The following CCDC85A variants were observed in gnomAD, a reference collection of about 807,000 sequenced individuals.
CCDC85A encodes coiled-coil domain containing 85A.
Under a neutral mutation model 50.2 loss-of-function variants are expected in CCDC85A, and 38 were observed. The ratio of observed to expected loss-of-function variants is 0.76; its 90% CI spans 0.58 to 0.99. The LOEUF (loss-of-function observed/expected upper bound fraction) is 0.99. Ranked by LOEUF, CCDC85A falls within the 50% of genes least tolerant of loss-of-function variation. The pLI, the probability that CCDC85A is intolerant of heterozygous loss-of-function variation, is 0.00. For missense variants in CCDC85A, 820 were observed against 742.0 expected (o/e 1.11, Z -1.22); for synonymous variants, 366 against 301.4 (o/e 1.21, Z -2.22).
At chr2:56,198,087 T>C (rs1472429856) in intron 2 of CCDC85A, among the ~76,000 whole-genome samples, 1 of 152,234 alleles carries the variant, frequency 6.6e-6, no homozygotes, top group East Asian at 1.9e-4. Context: ...AGGTTATTAA[T>C]GAGTAAACGA....
intron 2 of CCDC85A, among the ~76,000 whole-genome samples, chr2:56,279,433 A>G (rs1381624806): frequency 6.6e-6 from 1 of 151,068 alleles, no homozygotes; most frequent in African/African-American, 2.4e-5. Context: ...CCCTCCCACC[A>G]CCTATTTCTC....
intron 2 of CCDC85A, among the ~76,000 whole-genome samples, chr2:56,334,864 A>C (rs1373081958): frequency 2.6e-5 from 4 of 152,184 alleles, no homozygotes; most frequent in African/African-American, 9.7e-5. Flanking sequence ...ACAAACTGAA[A>C]GGATTTCTGC....
chr2:56,384,181 CCT>C, intron 5 of CCDC85A, 83 bp from the exon 6 acceptor site: 2 of 1,175,376 alleles, frequency 1.7e-6, no homozygotes, highest in South Asian at 2.5e-5. Context: ...CATCTTCGCT[CCT>C]CTCTTAATTT....
intron 2 of CCDC85A, among the ~76,000 whole-genome samples, chr2:56,250,029 G>C (rs1346999411): frequency 6.6e-6 from 1 of 152,206 alleles, no homozygotes; most frequent in African/African-American, 2.4e-5. Flanking sequence ...CAGCCATGAA[G>C]GGCAGGCAGG....
intron 3 of CCDC85A, among the ~76,000 whole-genome samples, chr2:56,355,098 C>G (rs1675155386): frequency 6.6e-6 from 1 of 152,198 alleles, no homozygotes; most frequent in African/African-American, 2.4e-5. Flanking sequence ...ACACTTCACC[C>G]TTCCTGAGCC....
intron 2 of CCDC85A, among the ~76,000 whole-genome samples, chr2:56,308,302 G>T (rs1245590125): frequency 6.6e-6 from 1 of 152,148 alleles, no homozygotes; most frequent in Non-Finnish European, 1.5e-5. Flanking sequence ...CAAACTATCT[G>T]GGACTAAAAT....
chr2:56,251,983 T>C (rs1669779722), intron 2 of CCDC85A, among the ~76,000 whole-genome samples: 2 of 152,154 alleles, frequency 1.3e-5, no homozygotes, highest in African/African-American at 4.8e-5. Context: ...TGCTATTCAG[T>C]TTGACCTAGT....
intron 2 of CCDC85A, among the ~76,000 whole-genome samples, chr2:56,296,694 A>T (rs1469779854): frequency 6.6e-6 from 1 of 152,202 alleles, no homozygotes; most frequent in Non-Finnish European, 1.5e-5. Flanking sequence ...GCATGAGGGA[A>T]GGAACAGTTT....
rs77586647 is a variant in CCDC85A, at chr2:56,184,151, G to C, written c.-474G>C. The C allele has an allele frequency of 3.3e-3, 3,292 of 986,184 alleles. 76 individuals are homozygous for C. In the African/African-American group the frequency reaches 0.052, roughly 16 times the overall value. 61.1% of individuals were successfully genotyped at this position (986,184 alleles called of 1,614,324 possible). ...CCGCGGTGCCCGGCGCGCCCTCCAAGCTAGGAGAGGGGAGAAGCCGGGGGC... is the reference window on the plus strand; with the variant it reads ...CCGCGGTGCCCGGCGCGCCCTCCAACCTAGGAGAGGGGAGAAGCCGGGGGC... On this transcript the variant is annotated 5_prime_UTR_variant, in exon 1 of 6. Transcript: ENST00000407595.
At chr2:56,367,552 T>C (rs978269969) in intron 3 of CCDC85A, among the ~76,000 whole-genome samples, 2 of 152,258 alleles carry the variant, frequency 1.3e-5, no homozygotes, top group East Asian at 1.9e-4. Flanking sequence ...GATAATCCTT[T>C]CTTTGTGAGG....
chr2:56,382,430 G>A (rs907418379), intron 5 of CCDC85A, among the ~76,000 whole-genome samples: 3 of 151,896 alleles, frequency 2.0e-5, no homozygotes, highest in African/African-American at 4.8e-5. Flanking sequence ...CCATCATGTG[G>A]GTTAGTATGT....
intron 2 of CCDC85A, among the ~76,000 whole-genome samples, chr2:56,198,808 A>G (rs1017501690): frequency 2.0e-5 from 3 of 152,190 alleles, no homozygotes; most frequent in Admixed American, 1.3e-4. Context: ...TTGTATATAT[A>G]TGTGTATACA....
At chr2:56,214,074 A>G (rs905015586) in intron 2 of CCDC85A, among the ~76,000 whole-genome samples, 4 of 151,978 alleles carry the variant, frequency 2.6e-5, no homozygotes, top group African/African-American at 9.6e-5. Context: ...CTGAGACAAG[A>G]CTACACGGAT....
intron 2 of CCDC85A, among the ~76,000 whole-genome samples, chr2:56,322,004 C>G (rs1263222532): frequency 2.6e-5 from 4 of 152,190 alleles, no homozygotes; most frequent in African/African-American, 4.8e-5. Flanking sequence ...CTACAACCAT[C>G]TGGTCTTTGA....
chr2:56,355,498 A>G (rs997720618), intron 3 of CCDC85A, among the ~76,000 whole-genome samples: 2 of 152,206 alleles, frequency 1.3e-5, no homozygotes, highest in Non-Finnish European at 1.5e-5. Flanking sequence ...GATTTCAGAA[A>G]TGCTTAATTG....
chr2:56,197,738 T>C (rs2103840615), intron 2 of CCDC85A, among the ~76,000 whole-genome samples: 1 of 152,342 alleles, frequency 6.6e-6, no homozygotes, highest in Non-Finnish European at 1.5e-5. Context: ...TCCCAGCTGT[T>C]ACCGTAAAAC....
chr2:56,326,709 T>C (rs1187844247), intron 2 of CCDC85A, among the ~76,000 whole-genome samples: 1 of 152,186 alleles, frequency 6.6e-6, no homozygotes, highest in East Asian at 1.9e-4. Context: ...GTTAGAATAG[T>C]TTTATCAAAT....
intron 2 of CCDC85A, among the ~76,000 whole-genome samples, chr2:56,276,289 G>GCTTTTTATTTTGCTTACTGT (rs1553403679): frequency 6.6e-6 from 1 of 151,992 alleles, no homozygotes; most frequent in Non-Finnish European, 1.5e-5. Context: ...TTGCTTACTG[G>GCTTTTTATTTTGCTTACTGT]CTTTTTATTT....
At chr2:56,227,300 T>TTG (rs1668583269) in intron 2 of CCDC85A, among the ~76,000 whole-genome samples, 2 of 152,326 alleles carry the variant, frequency 1.3e-5, no homozygotes, top group South Asian at 4.1e-4. Flanking sequence ...TTAATCAAGG[T>TTG]CTCAGATCAT....
Sources: gnomAD v4.1 joint callset for allele counts (sites outside exome capture counted in the v4.1 genomes callset) on GRCh38, gnomAD v4.1.1 for gene constraint, MANE v1.5 for transcripts, NCBI Gene and HGNC (gene_info 2026-07-23, HGNC 2026-07-21) for gene names.